Variants in TFCP2L1 observed in about 807,000 individuals in gnomAD.
TFCP2L1 encodes transcription factor CP2-like protein 1.
Under a neutral mutation model 72.2 loss-of-function variants are expected in TFCP2L1, and 12 were observed. The observed-to-expected ratio is 0.17, with a 90% confidence interval of 0.11 to 0.27. The LOEUF (loss-of-function observed/expected upper bound fraction) is 0.27, where lower values mean the gene tolerates loss of function less well. Among genes scored for constraint, TFCP2L1 ranks in the 10% least tolerant of loss-of-function variants. The pLI is 1.00. For missense variants in TFCP2L1, 488 were observed against 624.6 expected (o/e 0.78, Z 2.33); for synonymous variants, 260 against 251.0 (o/e 1.04, Z -0.34).
chr2:121,256,790 A>AACAAAAAT (rs1686736661), intron 2 of TFCP2L1, among the ~76,000 whole-genome samples: 1 of 151,556 alleles, frequency 6.6e-6, no homozygotes, highest in South Asian at 2.1e-4. Context: ...AACAAAAACA[A>AACAAAAAT]ACAAAAATAC....
At chr2:121,242,191 G>A (rs1423230146) in intron 7 of TFCP2L1, among the ~76,000 whole-genome samples, 168 bp downstream of exon 7, 3 of 151,774 alleles carry the variant, frequency 2.0e-5, no homozygotes, top group African/African-American at 7.3e-5. Flanking sequence ...CGGGCCACTG[G>A]GTCTTATCAG....
chr2:121,230,403 C>T (rs1325386595), intron 13 of TFCP2L1, among the ~76,000 whole-genome samples: 4 of 152,090 alleles, frequency 2.6e-5, no homozygotes, highest in South Asian at 2.1e-4. Context: ...AACTTCTGAC[C>T]TCAGGTGATC....
chr2:121,270,003 C>T (rs1176297314), intron 2 of TFCP2L1, among the ~76,000 whole-genome samples: 1 of 150,118 alleles, frequency 6.7e-6, no homozygotes, highest in African/African-American at 2.5e-5. Flanking sequence ...ATTTCCAGTA[C>T]ATATTATAAT....
At chr2:121,284,823 C>A (rs1687333779) in intron 1 of TFCP2L1, among the ~76,000 whole-genome samples, 2 of 152,164 alleles carry the variant, frequency 1.3e-5, no homozygotes, top group Admixed American at 1.3e-4. Flanking sequence ...TAGGGCTCTG[C>A]GCGCTCGCCT....
At chr2:121,264,124 G>C (rs188524126) in intron 2 of TFCP2L1, among the ~76,000 whole-genome samples, 1 of 152,138 alleles carries the variant, frequency 6.6e-6, no homozygotes, top group Non-Finnish European at 1.5e-5. Context: ...CCCGTGTGCC[G>C]GGCTGAGAGT....
At chr2:121,245,177 T>C (rs1443009616) in intron 6 of TFCP2L1, among the ~76,000 whole-genome samples, 4 of 151,872 alleles carry the variant, frequency 2.6e-5, no homozygotes, top group African/African-American at 9.7e-5. Flanking sequence ...GACGAGGAGG[T>C]TGGGGCCGCC....
chr2:121,253,351 G>T (rs1005098020), intron 2 of TFCP2L1, among the ~76,000 whole-genome samples: 2 of 152,200 alleles, frequency 1.3e-5, no homozygotes, highest in African/African-American at 2.4e-5. Context: ...CGCCTAAAAA[G>T]GTCTTGCTTC....
chr2:121,267,580 G>A (rs529363568), intron 2 of TFCP2L1, among the ~76,000 whole-genome samples: 11 of 151,308 alleles, frequency 7.3e-5, no homozygotes, highest in African/African-American at 2.7e-4. Flanking sequence ...TGCAATCTCC[G>A]CCTCCCGGAT....
intron 11 of TFCP2L1, 43 bp from the exon 12 acceptor site, chr2:121,234,237 G>A (rs1686200096): frequency 6.4e-7 from 1 of 1,562,444 alleles, no homozygotes; most frequent in Admixed American, 1.7e-5. Flanking sequence ...TGGTGGACCA[G>A]GCGCAGTTGT....
chr2:121,259,360 T>G (rs1056645746), intron 2 of TFCP2L1, among the ~76,000 whole-genome samples: 2 of 151,954 alleles, frequency 1.3e-5, no homozygotes, highest in Non-Finnish European at 1.5e-5. Flanking sequence ...ATAATAGAGA[T>G]ATCCATATCG....
chr2:121,270,240 G>GA (rs1253837991), intron 2 of TFCP2L1, among the ~76,000 whole-genome samples: 2 of 152,216 alleles, frequency 1.3e-5, no homozygotes, highest in Non-Finnish European at 2.9e-5. Flanking sequence ...TTAAAGAAGT[G>GA]ATGTATGCTA....
At chr2:121,225,637 G>A (rs376285044) in intron 13 of TFCP2L1, 24 bp from the exon 14 acceptor site, 27 of 1,613,652 alleles carry the variant, frequency 1.7e-5, no homozygotes, top group African/African-American at 2.7e-5. Flanking sequence ...GAGAGAACAT[G>A]TTCCTTCAAC....
At chr2:121,277,020 C>A (rs1687161952) in intron 2 of TFCP2L1, among the ~76,000 whole-genome samples, 1 of 150,788 alleles carries the variant, frequency 6.6e-6, no homozygotes, top group South Asian at 2.1e-4. Flanking sequence ...TGGCCTGCAA[C>A]CATCAGAGAA....
intron 11 of TFCP2L1, 153 bp from the exon 12 acceptor site, chr2:121,234,347 C>T (rs1320577761): frequency 4.4e-6 from 3 of 681,356 alleles, no homozygotes; most frequent in Non-Finnish European, 5.0e-6. Flanking sequence ...TGGTGGATGA[C>T]CCTCCCAGGT....
chr2:121,231,214 G>T (rs187119572), intron 13 of TFCP2L1, among the ~76,000 whole-genome samples: 52 of 152,334 alleles, frequency 3.4e-4, no homozygotes, highest in African/African-American at 1.2e-3. Flanking sequence ...AGGGGTCCAG[G>T]ATAGAACAAA....
chr2:121,284,740 C>T (rs1040493562), intron 1 of TFCP2L1, among the ~76,000 whole-genome samples: 3 of 152,138 alleles, frequency 2.0e-5, no homozygotes, highest in Admixed American at 6.5e-5. Context: ...GGCGGACGGG[C>T]CAGGGGAGGC....
At chr2:121,242,789 G>T (rs776366000) in intron 6 of TFCP2L1, among the ~76,000 whole-genome samples, 6 of 152,118 alleles carry the variant, frequency 3.9e-5, no homozygotes, top group Non-Finnish European at 7.3e-5. Flanking sequence ...GAGGAAAGTG[G>T]AAGAAGTACA....
At chr2:121,281,799 G>T (rs899945261) in intron 1 of TFCP2L1, among the ~76,000 whole-genome samples, 1 of 152,106 alleles carries the variant, frequency 6.6e-6, no homozygotes, top group Non-Finnish European at 1.5e-5. Context: ...TGAGTACCCA[G>T]GTTGAGACAT....
In TFCP2L1 at chr2:121,217,440, G is replaced by C. The variant is rs965642775; in HGVS notation, c.*6901C>G. The stretch of plus-strand genomic sequence containing the variant: ...CAGCCGGACCTCGGACCCATCTCCC[G>C]TGGGACTCCTTCCATTTGAGGCTGT... On this transcript the variant is annotated 3_prime_UTR_variant, in exon 15 of 15. Transcript: ENST00000263707. The C allele has an allele frequency of 6.6e-6, 1 of 152,324 alleles. No individual in the cohort carries two copies. The highest frequency in any genetic ancestry group is 1.5e-5 in the Non-Finnish European group (1 of 68,120). 9.4% of individuals were successfully genotyped at this position (152,324 alleles called of 1,614,324 possible). A position where few individuals can be genotyped will look rare whatever the true frequency, so the allele number is the denominator to read the frequency against.
Sources: gnomAD v4.1 joint callset for allele counts (sites outside exome capture counted in the v4.1 genomes callset) on GRCh38, gnomAD v4.1.1 for gene constraint, MANE v1.5 for transcripts, NCBI Gene and HGNC (gene_info 2026-07-23, HGNC 2026-07-21) for gene names.